The following NCKAP1 variants were observed in gnomAD, a reference collection of about 807,000 sequenced individuals.
The protein encoded by NCKAP1 is nck-associated protein 1.
Under a neutral mutation model 151.2 loss-of-function variants are expected in NCKAP1, and 21 were observed. The observed-to-expected ratio is 0.14, with a 90% CI of 0.10 to 0.20. The LOEUF is 0.20. NCKAP1 is among the 10% of genes least tolerant of loss of function. NCKAP1 has a pLI of 1.00. For synonymous variants in NCKAP1, 484 were observed against 451.8 expected, an observed-to-expected ratio of 1.07 and a Z score of -0.90; for missense variants, 933 against 1,352.1, an observed-to-expected ratio of 0.69 and a Z score of 4.86.
rs144887336 is a variant in NCKAP1, at chr2:183,006,183, G to A, written c.220-2858C>T. On this transcript the variant is annotated intron_variant, in intron 2 of 30. Coordinates refer to ENST00000361354, the MANE Select transcript of NCKAP1 (RefSeq NM_013436.5). ...AGTGTCAGATGATATGTTTTGGTAGGTGATGCTAGAAAGCATACCTTATTA... is the reference window on the plus strand; with the variant it reads ...AGTGTCAGATGATATGTTTTGGTAGATGATGCTAGAAAGCATACCTTATTA... Among the ~76,000 whole-genome samples, 40 of 152,272 alleles carry A rather than the reference G, an allele frequency of 2.6e-4. 1 individual carries two copies. The East Asian group carries it at 7.7e-3, about 29-fold the overall frequency.
At chr2:182,987,071 A>G (rs181879411) in intron 9 of NCKAP1, among the ~76,000 whole-genome samples, 171 of 152,024 alleles carry the variant, frequency 1.1e-3, no homozygotes, top group Admixed American at 3.9e-3. Context: ...GTGAAACCCC[A>G]TCTCTACTAA....
chr2:182,943,383 T>C (rs542327960), intron 23 of NCKAP1, among the ~76,000 whole-genome samples: 1 of 152,300 alleles, frequency 6.6e-6, no homozygotes, highest in South Asian at 2.1e-4. Flanking sequence ...TTACTTCAGA[T>C]TGTTTCTTAT....
intron 6 of NCKAP1, among the ~76,000 whole-genome samples, chr2:183,000,679 C>A (rs1015351111): frequency 6.6e-6 from 1 of 152,110 alleles, no homozygotes; most frequent in Non-Finnish European, 1.5e-5. Flanking sequence ...AATTCCAAGA[C>A]AGAAAACCTA....
At chr2:182,945,311 G>A (rs2105814819) in intron 23 of NCKAP1, among the ~76,000 whole-genome samples, 1 of 151,998 alleles carries the variant, frequency 6.6e-6, no homozygotes, top group South Asian at 2.1e-4. Context: ...AGCTACTCAG[G>A]AGGGTGGGCC....
chr2:183,024,914 T>C, intron 1 of NCKAP1: 2 of 1,574,876 alleles, frequency 1.3e-6, no homozygotes, highest in Non-Finnish European at 1.7e-6. Context: ...AGAGAAGTTA[T>C]GAAACATGAA....
chr2:182,991,654 A>G (rs553470889), intron 8 of NCKAP1, among the ~76,000 whole-genome samples: 10 of 152,032 alleles, frequency 6.6e-5, no homozygotes, highest in Non-Finnish European at 1.2e-4. Flanking sequence ...AATTAGGATG[A>G]AAGGACAAAA....
At chr2:182,976,503 G>A (rs558716879) in intron 15 of NCKAP1, among the ~76,000 whole-genome samples, 4 of 152,274 alleles carry the variant, frequency 2.6e-5, no homozygotes, top group African/African-American at 9.6e-5. Context: ...GAGACTATAT[G>A]GCTGCAAGCC....
intron 2 of NCKAP1, among the ~76,000 whole-genome samples, chr2:183,021,112 CG>C (rs762217974): frequency 5.3e-4 from 81 of 152,304 alleles, no homozygotes; most frequent in Admixed American, 2.2e-3. Flanking sequence ...AGAATTACCA[CG>C]CCACCCAGCA....
chr2:182,931,876 T>C lies in NCKAP1; in HGVS notation c.2860-1088A>G, dbSNP rs147063806. On this transcript the variant is annotated intron_variant, in intron 26 of 30. Transcript: ENST00000361354. ...AATAACCAGTAAACATATGAAAACA[T>C]GTTCAACATAATTTGCCATCAGGAA... Among the ~76,000 whole-genome samples the C allele has an allele frequency of 1.3e-3, 196 of 152,240 alleles. 2 individuals carry two copies. The highest frequency in any genetic ancestry group is 4.4e-3 in the African/African-American group (185 of 41,580).
intron 1 of NCKAP1, among the ~76,000 whole-genome samples, chr2:183,036,123 A>T (rs1408777160): frequency 6.6e-6 from 1 of 152,196 alleles, no homozygotes; most frequent in Non-Finnish European, 1.5e-5. Context: ...CCAAAACAGG[A>T]AGTGAAAAAA....
intron 2 of NCKAP1, among the ~76,000 whole-genome samples, chr2:183,015,631 AAGAG>A (rs1178149271): frequency 1.3e-5 from 2 of 152,064 alleles, no homozygotes; most frequent in East Asian, 3.9e-4. Flanking sequence ...AGAATTTAGG[AAGAG>A]AGATTCCTTT....
At chr2:182,935,525 A>C (rs1252162182) in intron 24 of NCKAP1, 150 bp from the exon 25 acceptor site, 3 of 511,094 alleles carry the variant, frequency 5.9e-6, no homozygotes, top group Non-Finnish European at 1.0e-5. Flanking sequence ...ATAATGATTA[A>C]AGAGAGAAAG....
chr2:182,929,481 A>G (rs1696715707), intron 27 of NCKAP1, among the ~76,000 whole-genome samples: 2 of 152,134 alleles, frequency 1.3e-5, no homozygotes, highest in Middle Eastern at 3.4e-3. Context: ...AGAAGAAACT[A>G]GTCATGAATA....
chr2:182,956,422 A>G, intron 20 of NCKAP1, 40 bp downstream of exon 20: 2 of 1,583,858 alleles, frequency 1.3e-6, no homozygotes, highest in Non-Finnish European at 1.7e-6. Context: ...CAAACTCATT[A>G]CTGAGTCAAC....
rs1175295585 is a variant in NCKAP1 at position 182,951,135 on chromosome 2, G to A, written c.2601+1270C>T. 2.6e-5 allele frequency among the ~76,000 whole-genome samples: 4 copies of A among 151,846 alleles called. No individual in the cohort carries two copies. The East Asian group carries it at 5.8e-4, about 22-fold the overall frequency. On this transcript the variant is annotated intron_variant, in intron 23 of 30. Transcript: ENST00000361354. The stretch of plus-strand genomic sequence containing the variant: ...CATGAGCCACCACGCCTGGCTGAAA[G>A]CTTGAGTTCTTAACCAATGGGTAAT...
At chr2:182,943,930 C>T (rs1205845418) in intron 23 of NCKAP1, among the ~76,000 whole-genome samples, 1 of 151,928 alleles carries the variant, frequency 6.6e-6, no homozygotes, top group Non-Finnish European at 1.5e-5. Context: ...GTTCTTAATC[C>T]CTAAAGAAAT....
chr2:182,993,303 C>T (rs1195289503), intron 8 of NCKAP1, among the ~76,000 whole-genome samples: 1 of 152,098 alleles, frequency 6.6e-6, no homozygotes. Flanking sequence ...GAAATTTTTT[C>T]CCGTATTTTA....
chr2:182,940,260 T>C (rs979771208), intron 24 of NCKAP1, among the ~76,000 whole-genome samples: 98 of 151,488 alleles, frequency 6.5e-4, no homozygotes, highest in Non-Finnish European at 3.1e-4. Context: ...AATAAAGGAG[T>C]AGAAAATATA....
rs1350661498 is a variant in NCKAP1 at position 182,983,451 on chromosome 2, A to G, written c.1005-69T>C. 4 of 1,162,050 alleles carry G rather than the reference A, an allele frequency of 3.4e-6. No homozygotes were observed. The African/African-American group carries it at 6.2e-5, about 18-fold the overall frequency. 72.0% of individuals were successfully genotyped at this position (1,162,050 alleles called of 1,614,324 possible). A position where few individuals can be genotyped will look rare whatever the true frequency, so the allele number is the denominator to read the frequency against. On this transcript the variant is annotated intron_variant, in intron 10 of 30. Coordinates refer to ENST00000361354, the MANE Select transcript of NCKAP1 (RefSeq NM_013436.5). ...ATTATTATTGGCAATTAAAGTAACTAGCATTATAGGTGCAACTTCCAAAGT... is the reference window on the plus strand; with the variant it reads ...ATTATTATTGGCAATTAAAGTAACTGGCATTATAGGTGCAACTTCCAAAGT...
Sources: gnomAD v4.1 joint callset for allele counts (sites outside exome capture counted in the v4.1 genomes callset) on GRCh38, gnomAD v4.1.1 for gene constraint, MANE v1.5 for transcripts, NCBI Gene and HGNC (gene_info 2026-07-23, HGNC 2026-07-21) for gene names.